Variants in CSMD2 observed in about 807,000 individuals in gnomAD.
The protein encoded by CSMD2 is CUB and sushi domain-containing protein 2.
CSMD2 carries 130 observed loss-of-function variants against 398.5 expected under a neutral mutation model. The ratio of observed to expected loss-of-function variants is 0.33; its 90% CI spans 0.28 to 0.38. The LOEUF (loss-of-function observed/expected upper bound fraction) is 0.38, where lower values mean the gene tolerates loss of function less well. CSMD2 is among the 10% of genes least tolerant of loss of function. The pLI, the probability that CSMD2 is intolerant of heterozygous loss-of-function variation, is 1.00. For missense variants in CSMD2, 3,829 were observed against 4,764.9 expected (o/e 0.80, Z 5.78); for synonymous variants, 1,828 against 1,908.5 (o/e 0.96, Z 1.10).
In CSMD2 at chr1:33,624,399, T is replaced by C. The variant is rs1282235924; in HGVS notation, c.5625+120A>G. 21 of 1,310,286 alleles carry C rather than the reference T, an allele frequency of 1.6e-5. No individual in the cohort carries two copies. The highest frequency in any genetic ancestry group is 2.1e-5 in the Non-Finnish European group (20 of 946,826). The allele number at this position is 1,310,286 out of a possible 1,614,324, so 81.2% of individuals were successfully genotyped here. ...GGGGCAGGTACAGGGCTGATATGTC[T>C]CTTCCTGGCTCACCCTGACTCAGGC... On this transcript the variant is annotated intron_variant, in intron 35 of 70. Coordinates refer to ENST00000373381, the MANE Select transcript of CSMD2 (RefSeq NM_001281956.2). This position sits in a 1 kb window ranked among gnomAD's most constrained non-coding sequence, Gnocchi z 4.7.
chr1:34,132,074 T>C (rs1019008038), intron 1 of CSMD2, among the ~76,000 whole-genome samples: 7 of 152,108 alleles, frequency 4.6e-5, no homozygotes, highest in Admixed American at 3.9e-4. Context: ...GCAGCTTGCA[T>C]GTCCCTTCAC....
intron 1 of CSMD2, among the ~76,000 whole-genome samples, chr1:34,142,699 G>A (rs991817286): frequency 1.3e-5 from 2 of 152,194 alleles, no homozygotes; most frequent in Non-Finnish European, 2.9e-5. Context: ...TACCAACCAT[G>A]TGTGACTTTT....
Position 33,700,693 on chromosome 1 carries a change from C to T in CSMD2, c.3577-20G>A, listed in dbSNP as rs1170688435. 3.1e-6 allele frequency: 5 copies of T among 1,613,690 alleles called. No individual in the cohort carries two copies. Among genetic ancestry groups the T allele is most frequent in the Non-Finnish European group, 4.2e-6 (5 of 1,179,912 alleles). On this transcript the variant is annotated intron_variant, in intron 22 of 70. Coordinates refer to ENST00000373381, the MANE Select transcript of CSMD2 (RefSeq NM_001281956.2). ...ATAAACCTGGACACAGGAGAGACCC[C>T]CAACCCAATGTCGTCAGCATGGCCT...
intron 3 of CSMD2, among the ~76,000 whole-genome samples, chr1:33,960,487 T>A (rs1013375438): frequency 6.6e-6 from 1 of 152,266 alleles, no homozygotes. Flanking sequence ...TGTGGAGCAG[T>A]CTGGGCCAGC....
chr1:33,568,327 A>G (rs1424431649), intron 52 of CSMD2, among the ~76,000 whole-genome samples: 3 of 152,054 alleles, frequency 2.0e-5, no homozygotes, highest in African/African-American at 4.8e-5. Flanking sequence ...AGCTGGGACT[A>G]CAGGCATCCA....
intron 28 of CSMD2, among the ~76,000 whole-genome samples, chr1:33,650,315 A>T (rs1643686648): frequency 1.3e-5 from 2 of 152,240 alleles, no homozygotes; most frequent in African/African-American, 2.4e-5. Context: ...GAGGCAGAGC[A>T]GAAACACAAA....
intron 3 of CSMD2, among the ~76,000 whole-genome samples, chr1:33,971,111 C>T (rs547269273): frequency 8.6e-4 from 131 of 152,232 alleles, no homozygotes; most frequent in African/African-American, 2.9e-3. Flanking sequence ...CGGTGTCTGC[C>T]GGGACTGGTG....
chr1:33,840,735 C>T (rs1024980490), intron 6 of CSMD2, among the ~76,000 whole-genome samples: 2 of 152,250 alleles, frequency 1.3e-5, no homozygotes, highest in Admixed American at 1.3e-4. Context: ...CTGGACTGAA[C>T]TCACGAGCTC....
At chr1:33,767,933 C>G (rs931613872) in intron 13 of CSMD2, among the ~76,000 whole-genome samples, 2 of 152,158 alleles carry the variant, frequency 1.3e-5, no homozygotes, top group African/African-American at 4.8e-5. Context: ...CAGCAAGAAC[C>G]TGGGTGCAAA....
chr1:33,707,970 A>G (rs2149145123), intron 22 of CSMD2, among the ~76,000 whole-genome samples: 1 of 152,340 alleles, frequency 6.6e-6, no homozygotes, highest in African/African-American at 2.4e-5. Flanking sequence ...AGCTAAAAAA[A>G]TTCCTTGGCC....
At chr1:33,569,796 A>G (rs534520915) in intron 51 of CSMD2, among the ~76,000 whole-genome samples, 1 of 152,302 alleles carries the variant, frequency 6.6e-6, no homozygotes, top group East Asian at 1.9e-4. Flanking sequence ...AGCTTTGCAG[A>G]TAGCGCCCTG....
At chr1:33,927,900 C>T (rs1644181028) in intron 4 of CSMD2, among the ~76,000 whole-genome samples, 1 of 152,162 alleles carries the variant, frequency 6.6e-6, no homozygotes, top group Non-Finnish European at 1.5e-5. Flanking sequence ...GTTTCCAGCC[C>T]CCACCCTGAA....
At chr1:33,721,493 C>T (rs1646357872) in intron 19 of CSMD2, among the ~76,000 whole-genome samples, 1 of 152,178 alleles carries the variant, frequency 6.6e-6, no homozygotes, top group Admixed American at 6.5e-5. Context: ...CAGAGAAAAC[C>T]ACAATGACAG....
At chr1:33,733,969 G>A (rs974098787) in intron 15 of CSMD2, among the ~76,000 whole-genome samples, 1 of 152,162 alleles carries the variant, frequency 6.6e-6, no homozygotes, top group Non-Finnish European at 1.5e-5. Flanking sequence ...TTTTGGGAAC[G>A]TCAACTCACC....
chr1:33,675,957 C>T (rs1644693988), intron 25 of CSMD2, among the ~76,000 whole-genome samples: 1 of 152,144 alleles, frequency 6.6e-6, no homozygotes, highest in Non-Finnish European at 1.5e-5. Flanking sequence ...TGGGACGTAT[C>T]TCAAAATAAT....
At chr1:33,906,469 AGAT>A (rs1558083145) in intron 5 of CSMD2, among the ~76,000 whole-genome samples, 9 of 152,096 alleles carry the variant, frequency 5.9e-5, no homozygotes, top group African/African-American at 7.3e-5. Context: ...AAAGAAGAAA[AGAT>A]GATGGGCTGA....
chr1:33,809,251 C>T (rs1244027019), intron 10 of CSMD2, among the ~76,000 whole-genome samples: 4 of 137,128 alleles, frequency 2.9e-5, no homozygotes, highest in Non-Finnish European at 6.2e-5. Flanking sequence ...AGGCCAAGCT[C>T]ACTAACAAAA....
intron 44 of CSMD2, chr1:33,591,750 G>A (rs910091625): frequency 3.3e-5 from 5 of 151,374 alleles, no homozygotes; most frequent in African/African-American, 1.2e-4. Flanking sequence ...TTAACCTTCT[G>A]AGTATCTGGG....
chr1:34,134,941 C>T (rs1352330557), intron 1 of CSMD2, among the ~76,000 whole-genome samples: 2 of 152,156 alleles, frequency 1.3e-5, no homozygotes, highest in East Asian at 1.9e-4. Context: ...GTTCCTTGAC[C>T]AGCACATCAG....
Sources: gnomAD v4.1 joint callset for allele counts (sites outside exome capture counted in the v4.1 genomes callset) on GRCh38, gnomAD v4.1.1 for gene constraint, Gnocchi (gnomAD v3.1) non-coding constraint, MANE v1.5 for transcripts, NCBI Gene and HGNC (gene_info 2026-07-23, HGNC 2026-07-21) for gene names.